Variants in USP54 observed in about 807,000 individuals in gnomAD.
USP54 encodes ubiquitin specific peptidase 54, also known as ubiquitin carboxyl-terminal hydrolase 54.
USP54 carries 87 observed loss-of-function variants against 170.5 expected under a neutral mutation model. The ratio of observed to expected loss-of-function variants is 0.51; its 90% CI spans 0.43 to 0.61. USP54 has a LOEUF of 0.61. Ranked by LOEUF, USP54 falls within the 20% of genes least tolerant of loss-of-function variation. USP54 has a pLI of 0.00. For synonymous variants in USP54, 655 were observed against 742.8 expected, an observed-to-expected ratio of 0.88 and a Z score of 1.92; for missense variants, 1,786 against 2,047.8, an observed-to-expected ratio of 0.87 and a Z score of 2.47.
chr10:73,501,470 C>T (rs1173977646), intron 22 of USP54, among the ~76,000 whole-genome samples: 2 of 152,182 alleles, frequency 1.3e-5, no homozygotes, highest in Middle Eastern at 3.2e-3. Flanking sequence ...TCCTTCCAAA[C>T]TCCTCCTCCT....
At chr10:73,596,176 C>T (rs548846690), upstream of USP54, among the ~76,000 whole-genome samples, 1 of 151,286 alleles carries the variant, frequency 6.6e-6, no homozygotes, top group Non-Finnish European at 1.5e-5. Flanking sequence ...AATCCCATCA[C>T]TTTGGGAGGC....
chr10:73,571,621 T>C (rs2075217843), intron 3 of USP54, 108 bp from the exon 4 acceptor site: 2 of 778,094 alleles, frequency 2.6e-6, no homozygotes, highest in Non-Finnish European at 4.0e-6. Context: ...ATGTCTTTAT[T>C]CCCAAAAGAA....
chr10:73,573,966 T>C (rs1294784081), intron 3 of USP54, among the ~76,000 whole-genome samples: 1 of 152,234 alleles, frequency 6.6e-6, no homozygotes, highest in African/African-American at 2.4e-5. Context: ...CTAAATATCT[T>C]GTCTTCTCTC....
chr10:73,520,200 C>T, intron 18 of USP54: 1 of 647,894 alleles, frequency 1.5e-6, no homozygotes, highest in African/African-American at 1.8e-5. Context: ...GGAGGCCAAA[C>T]AGGTTAATCC....
rs112403242 is a variant in USP54 at position 73,619,526 on chromosome 10, C to G, written c.-18+6041G>C. 3.8e-3 allele frequency among the ~76,000 whole-genome samples: 538 copies of G among 143,300 alleles called. 51 individuals are homozygous for G. The highest frequency in any genetic ancestry group is 0.014 in the African/African-American group (499 of 35,130). The allele number at this position is 143,300 out of a possible 152,430, so 94.0% of individuals were successfully genotyped here. ...CTAGCCTGGGCGACAGAGCGAGACT[C>G]CATCTCAAAAAAAAAAAAAAAGAAA... On this transcript the variant is annotated intron_variant, in intron 1 of 22. Transcript: ENST00000339859.
intron 20 of USP54, among the ~76,000 whole-genome samples, chr10:73,514,811 G>T (rs1426822249): frequency 6.7e-6 from 1 of 149,952 alleles, no homozygotes; most frequent in Non-Finnish European, 1.5e-5. Flanking sequence ...AGGCTGAGGC[G>T]GGGGGATCAC....
At chr10:73,508,946 T>C (rs942505164) in intron 20 of USP54, among the ~76,000 whole-genome samples, 1 of 151,272 alleles carries the variant, frequency 6.6e-6, no homozygotes, top group Non-Finnish European at 1.5e-5. Context: ...ATTACAGGTG[T>C]GAGCCAGTGC....
Position 73,517,222 on chromosome 10 carries a change from C to T in USP54, c.3204G>A (p.Leu1068=), listed in dbSNP as rs2061207239. The part of the protein sequence containing the change: ...SNSSAQPSLP[L]YRTCHPIMPV... ...GCATTATGGGGTGGCAGGTTCTATACAGGGGAAGGCTGGGCTGAGCTGATG... is the reference window on the plus strand; with the variant it reads ...GCATTATGGGGTGGCAGGTTCTATATAGGGGAAGGCTGGGCTGAGCTGATG... The change falls in exon 20 of 24, where the codon CTG becomes CTA. Residue 1068 remains leucine (L), a synonymous_variant. Transcript: ENST00000687698. 2 of 1,614,086 alleles carry T rather than the reference C, an allele frequency of 1.2e-6. No homozygotes were observed. The highest frequency in any genetic ancestry group is 1.3e-5 in the African/African-American group (1 of 74,946).
rs371012895 is a variant in USP54 at position 73,530,233 on chromosome 10, G to A, written c.1738C>T (p.Arg580Ter). Residue 580 changes from arginine (R) to a stop codon, truncating the protein, a stop_gained, in exon 14 of 24, where the codon CGA (arginine) becomes TGA (stop). Coordinates refer to ENST00000687698, the MANE Select transcript of USP54 (RefSeq NM_001391956.1). LOFTEE classifies it high-confidence loss of function. ...SKYRPTWRPK[R>*]ESLNIDSIFS... ...ATACTGTCAATATTCAGAGATTCTC[G>A]TTTGGGTCTCCATGTGGGACGATAC... is the stretch of plus-strand genomic sequence containing the variant. 8 of 1,614,138 alleles carry A rather than the reference G, an allele frequency of 5.0e-6. No individual in the cohort carries two copies. Among genetic ancestry groups the A allele is most frequent in the Middle Eastern group, 1.7e-4 (1 of 6,046 alleles).
At chr10:73,549,465 C>T (rs1206976048) in intron 4 of USP54, among the ~76,000 whole-genome samples, 2 of 152,146 alleles carry the variant, frequency 1.3e-5, no homozygotes, top group African/African-American at 4.8e-5. Flanking sequence ...CTCCCAACAT[C>T]CACATTTTGC....
intron 4 of USP54, among the ~76,000 whole-genome samples, chr10:73,569,207 CTTTT>C (rs957198260): frequency 6.6e-6 from 1 of 152,086 alleles, no homozygotes; most frequent in African/African-American, 2.4e-5. Flanking sequence ...TTCTGAATGA[CTTTT>C]TTTGTTGTTG....
Position 73,530,570 on chromosome 10 carries a change from T to C in USP54, c.1448-47A>G, listed in dbSNP as rs778149530. ...GAAATATAGATGTTTAAAGTGATCA[T>C]GGATACTAGACCCCAATGTCGAAAA... On this transcript the variant is annotated intron_variant, in intron 13 of 23. Transcript: ENST00000687698. The C allele has an allele frequency of 3.8e-6, 6 of 1,574,684 alleles. No individual in the cohort carries two copies. The African/African-American group carries it at 5.5e-5, about 14-fold the overall frequency.
At chr10:73,520,359 G>A (rs2061712204) in intron 18 of USP54, among the ~76,000 whole-genome samples, 1 of 152,174 alleles carries the variant, frequency 6.6e-6, no homozygotes, top group African/African-American at 2.4e-5. Context: ...GCCAACAGCA[G>A]AAATAAGATC....
chr10:73,520,691 T>C (rs1412809947), intron 18 of USP54, among the ~76,000 whole-genome samples: 1 of 152,188 alleles, frequency 6.6e-6, no homozygotes, highest in African/African-American at 2.4e-5. Flanking sequence ...TATGGATTCC[T>C]TGCTGAGGTT....
intron 1 of USP54, among the ~76,000 whole-genome samples, chr10:73,617,992 T>C (rs1416483085): frequency 6.7e-6 from 1 of 150,272 alleles, no homozygotes; most frequent in Non-Finnish European, 1.5e-5. Flanking sequence ...TGACGGATCA[T>C]CTGAGGTCAG....
At chr10:73,507,812 A>AC (rs957795111) in intron 20 of USP54, among the ~76,000 whole-genome samples, 1 of 151,568 alleles carries the variant, frequency 6.6e-6, no homozygotes, top group African/African-American at 2.4e-5. Flanking sequence ...ACATAGTGAG[A>AC]CCCCATCTCT....
At chr10:73,511,974 G>A (rs1273902941) in intron 20 of USP54, among the ~76,000 whole-genome samples, 1 of 151,934 alleles carries the variant, frequency 6.6e-6, no homozygotes, top group Non-Finnish European at 1.5e-5. Context: ...TCGAACTCCT[G>A]ACCTCAGGTG....
chr10:73,517,854 G>A (rs2061296285), intron 19 of USP54, 107 bp from the exon 20 acceptor site: 3 of 1,366,878 alleles, frequency 2.2e-6, no homozygotes, highest in South Asian at 1.4e-5. Flanking sequence ...CACAGGGAAT[G>A]GTAAAAATAA....
chr10:73,584,144 C>CT (rs1163498843), intron 1 of USP54, among the ~76,000 whole-genome samples: 1 of 152,150 alleles, frequency 6.6e-6, no homozygotes, highest in Non-Finnish European at 1.5e-5. Flanking sequence ...AATGCCAACA[C>CT]TTTGGGAGGC....
Sources: allele counts gnomAD v4.1 joint callset (sites outside exome capture counted in the v4.1 genomes callset), GRCh38; gene constraint gnomAD v4.1.1; transcripts MANE v1.5; gene names NCBI Gene and HGNC (gene_info 2026-07-23, HGNC 2026-07-21).